The following PALM2AKAP2 variants were observed in gnomAD, a reference collection of about 807,000 sequenced individuals.
The protein encoded by PALM2AKAP2 is PALM2-AKAP2 fusion protein.
Under a neutral mutation model 71.5 loss-of-function variants are expected in PALM2AKAP2, and 37 were observed. That is an observed-to-expected ratio of 0.52 (90% confidence interval 0.40 to 0.68). The LOEUF is 0.68. Ranked by LOEUF, PALM2AKAP2 falls within the 30% of genes least tolerant of loss-of-function variation. The pLI is 0.00. For missense variants in PALM2AKAP2, 1,224 were observed against 1,191.8 expected, an observed-to-expected ratio of 1.03 and a Z score of -0.40; for synonymous variants, 468 against 478.8, an observed-to-expected ratio of 0.98 and a Z score of 0.29.
intron 1 of PALM2AKAP2, among the ~76,000 whole-genome samples, chr9:110,131,713 T>C (rs914853257): frequency 6.6e-6 from 1 of 152,232 alleles, no homozygotes; most frequent in Non-Finnish European, 1.5e-5. Flanking sequence ...TTGTTATCAT[T>C]GTTGTCTAAC....
intron 6 of PALM2AKAP2, among the ~76,000 whole-genome samples, chr9:109,979,918 T>A (rs1444177550): frequency 6.6e-6 from 1 of 152,032 alleles, no homozygotes. Flanking sequence ...TGAATTAAAC[T>A]CTCCCCCAGA....
chr9:109,938,185 A>T (rs1564221301), intron 6 of PALM2AKAP2, among the ~76,000 whole-genome samples: 1 of 152,248 alleles, frequency 6.6e-6, no homozygotes, highest in Non-Finnish European at 1.5e-5. Flanking sequence ...TTTGTATATT[A>T]TTGGCTGAGA....
chr9:109,836,922 C>T (rs561014894), intron 1 of PALM2AKAP2, among the ~76,000 whole-genome samples: 9 of 152,270 alleles, frequency 5.9e-5, no homozygotes, highest in East Asian at 1.9e-4. Context: ...CTGAAAGTGA[C>T]GGGGAGAATG....
intron 2 of PALM2AKAP2, among the ~76,000 whole-genome samples, chr9:109,870,326 G>A (rs1742082067): frequency 1.3e-5 from 2 of 152,198 alleles, no homozygotes; most frequent in African/African-American, 4.8e-5. Context: ...AACTTGAATA[G>A]CATGGGACTT....
intron 1 of PALM2AKAP2, among the ~76,000 whole-genome samples, chr9:109,702,765 A>G (rs1302355300): frequency 6.6e-6 from 1 of 150,478 alleles, no homozygotes; most frequent in Non-Finnish European, 1.5e-5. Flanking sequence ...AAAAAAAAAA[A>G]GAAAATAAAT....
At chr9:110,053,957 T>C (rs984773185) in intron 1 of PALM2AKAP2, among the ~76,000 whole-genome samples, 1 of 152,206 alleles carries the variant, frequency 6.6e-6, no homozygotes, top group Non-Finnish European at 1.5e-5. Context: ...TTGGAGCAGA[T>C]GGGGTGGCAA....
chr9:110,163,515 A>G lies in PALM2AKAP2; in HGVS notation c.2749-4884A>G, dbSNP rs144198988. 5.8e-3 allele frequency among the ~76,000 whole-genome samples: 889 copies of G among 152,278 alleles called. 11 individuals are homozygous for G. The highest frequency in any genetic ancestry group is 0.02 in the African/African-American group (843 of 41,546). ...CCCTTACAATCTCGCAGAGGTAACTATTTTTGAGCTTGTTGTTCATCATTT... is the reference window on the plus strand; with the variant it reads ...CCCTTACAATCTCGCAGAGGTAACTGTTTTTGAGCTTGTTGTTCATCATTT... On this transcript the variant is annotated intron_variant, in intron 3 of 3. Transcript: ENST00000374525.
chr9:110,158,663 A>G (rs536901172), intron 3 of PALM2AKAP2, among the ~76,000 whole-genome samples: 2 of 152,334 alleles, frequency 1.3e-5, no homozygotes, highest in South Asian at 4.1e-4. Context: ...CTTACAAATC[A>G]AAGAGGCAGC....
chr9:109,710,786 A>G (rs1421030363), intron 1 of PALM2AKAP2, among the ~76,000 whole-genome samples: 3 of 152,188 alleles, frequency 2.0e-5, no homozygotes, highest in Non-Finnish European at 4.4e-5. Context: ...ACTTTGCTTA[A>G]GCTCAGAAAT....
At chr9:109,951,980 C>T (rs572524061) in intron 6 of PALM2AKAP2, among the ~76,000 whole-genome samples, 1 of 152,340 alleles carries the variant, frequency 6.6e-6, no homozygotes, top group East Asian at 1.9e-4. Context: ...TCATCTGGTG[C>T]AGTCTGCTGT....
intron 7 of PALM2AKAP2, among the ~76,000 whole-genome samples, chr9:110,042,720 A>G (rs1157906606): frequency 1.3e-5 from 2 of 152,104 alleles, no homozygotes; most frequent in Admixed American, 6.5e-5. Flanking sequence ...TTGAGGCACA[A>G]TGGGTTGGGG....
At chr9:109,881,176 G>A (rs542188919) in intron 3 of PALM2AKAP2, among the ~76,000 whole-genome samples, 3 of 152,192 alleles carry the variant, frequency 2.0e-5, no homozygotes, top group East Asian at 1.9e-4. Flanking sequence ...AAGGATAATG[G>A]CCTCCACCTC....
intron 1 of PALM2AKAP2, among the ~76,000 whole-genome samples, chr9:109,655,940 A>G (rs1827299156): frequency 6.6e-6 from 1 of 152,210 alleles, no homozygotes; most frequent in Non-Finnish European, 1.5e-5. Flanking sequence ...TTTTGGGCAT[A>G]AGGGTTAATA....
At chr9:110,117,535 T>C (rs922007387) in intron 1 of PALM2AKAP2, among the ~76,000 whole-genome samples, 3 of 152,210 alleles carry the variant, frequency 2.0e-5, no homozygotes, top group African/African-American at 7.2e-5. Flanking sequence ...CCACTGTCTT[T>C]GTCTAATTTC....
intron 7 of PALM2AKAP2, among the ~76,000 whole-genome samples, chr9:110,030,279 G>A (rs998309639): frequency 6.6e-6 from 1 of 152,206 alleles, no homozygotes; most frequent in Non-Finnish European, 1.5e-5. Flanking sequence ...TGGGCCCACA[G>A]AACAGACAAC....
intron 6 of PALM2AKAP2, among the ~76,000 whole-genome samples, chr9:110,014,802 AAAT>A (rs61195008): frequency 0.55 from 22,460 of 40,786 alleles, 6,551 homozygotes; most frequent in Non-Finnish European, 0.63. Context: ...AAAAAAAAAA[AAAT>A]GTATATATAT....
At chr9:109,834,067 G>A (rs1043508417) in intron 1 of PALM2AKAP2, among the ~76,000 whole-genome samples, 1 of 152,182 alleles carries the variant, frequency 6.6e-6, no homozygotes, top group African/African-American at 2.4e-5. Flanking sequence ...ATAAAAATTA[G>A]CAGGACATAG....
chr9:109,793,733 A>G (rs977879499), intron 1 of PALM2AKAP2, among the ~76,000 whole-genome samples: 1 of 152,242 alleles, frequency 6.6e-6, no homozygotes, highest in Non-Finnish European at 1.5e-5. Context: ...CATAAGGCCT[A>G]TGAGCAGTGC....
chr9:110,145,447 A>G (rs1836140664), intron 2 of PALM2AKAP2, among the ~76,000 whole-genome samples: 1 of 152,192 alleles, frequency 6.6e-6, no homozygotes, highest in African/African-American at 2.4e-5. Flanking sequence ...AAACTTCGAA[A>G]GAACTGGGTA....
Sources: allele counts gnomAD v4.1 joint callset (sites outside exome capture counted in the v4.1 genomes callset), GRCh38; gene constraint gnomAD v4.1.1; transcripts MANE v1.5; gene names NCBI Gene and HGNC (gene_info 2026-07-23, HGNC 2026-07-21).